The following COL21A1 variants were observed in gnomAD, a reference collection of about 807,000 sequenced individuals.
The protein encoded by COL21A1 is collagen alpha-1(XXI) chain.
A neutral mutation model predicts 137.9 loss-of-function variants in COL21A1; 149 were observed. That is an observed-to-expected ratio of 1.08 (90% CI 0.95 to 1.24). COL21A1 has a LOEUF of 1.24. COL21A1 is among the 50% of genes most tolerant of loss of function. COL21A1 has a pLI of 0.00. For synonymous variants in COL21A1, 456 were observed against 391.5 expected, an observed-to-expected ratio of 1.16 and a Z score of -1.95; for missense variants, 1,167 against 1,158.4, an observed-to-expected ratio of 1.01 and a Z score of -0.11.
Position 56,372,456 on chromosome 6 carries a change from A to T in COL21A1, c.-39+21515T>A, listed in dbSNP as rs1286587953. ...GTCCATGTGTCAACGCATCAAGAGT[A>T]TTCAGAAAGTATTGGCAGGGAGAAC... On this transcript the variant is annotated intron_variant, in intron 1 of 28. Transcript: ENST00000370819. Among the ~76,000 whole-genome samples, 8 of 152,322 alleles carry T rather than the reference A, an allele frequency of 5.3e-5. No individual in the cohort carries two copies. In the East Asian group the frequency reaches 1.5e-3, roughly 29 times the overall value.
At chr6:56,192,079 T>G (rs564492716) in intron 1 of COL21A1, among the ~76,000 whole-genome samples, 1 of 152,244 alleles carries the variant, frequency 6.6e-6, no homozygotes, top group Admixed American at 6.5e-5. Context: ...TTGACAAACC[T>G]GACACAAACA....
intron 7 of COL21A1, chr6:56,166,635 G>A (rs1036526579): frequency 4.1e-6 from 2 of 492,006 alleles, no homozygotes; most frequent in Non-Finnish European, 7.4e-6. Flanking sequence ...TGGGCGACAA[G>A]AGTGAGACTC....
chr6:56,108,619 G>T (rs143732665), intron 16 of COL21A1, among the ~76,000 whole-genome samples: 3 of 151,756 alleles, frequency 2.0e-5, no homozygotes, highest in Non-Finnish European at 4.4e-5. Flanking sequence ...GAAGGTGAAA[G>T]AAAAAATAGA....
At chr6:56,255,465 GA>G (rs999711215) in intron 1 of COL21A1, among the ~76,000 whole-genome samples, 3 of 151,864 alleles carry the variant, frequency 2.0e-5, no homozygotes, top group African/African-American at 7.3e-5. Flanking sequence ...TTTTTTATCA[GA>G]TGCTATCTCT....
intron 16 of COL21A1, among the ~76,000 whole-genome samples, chr6:56,116,634 G>A (rs933427476): frequency 2.6e-5 from 4 of 151,826 alleles, no homozygotes; most frequent in African/African-American, 9.7e-5. Flanking sequence ...GTAATAATAA[G>A]CACACAGAAA....
intron 1 of COL21A1, among the ~76,000 whole-genome samples, chr6:56,197,596 A>C (rs1779107895): frequency 6.6e-6 from 1 of 152,160 alleles, no homozygotes; most frequent in Non-Finnish European, 1.5e-5. Flanking sequence ...CAACAGGTAT[A>C]TAAGATGTTC....
At chr6:56,278,340 G>C (rs1282344244) in intron 1 of COL21A1, among the ~76,000 whole-genome samples, 3 of 152,172 alleles carry the variant, frequency 2.0e-5, no homozygotes, top group Non-Finnish European at 4.4e-5. Flanking sequence ...ACACATCCCT[G>C]TGTACAAGCC....
intron 18 of COL21A1, 25 bp downstream of exon 18, chr6:56,077,504 A>C (rs781297633): frequency 2.3e-5 from 35 of 1,537,860 alleles, no homozygotes; most frequent in Non-Finnish European, 3.0e-5. Context: ...ATCCAGGCCC[A>C]AAGCTAACTC....
At chr6:56,257,146 T>A (rs1036987958) in intron 1 of COL21A1, among the ~76,000 whole-genome samples, 1 of 152,012 alleles carries the variant, frequency 6.6e-6, no homozygotes, top group Non-Finnish European at 1.5e-5. Flanking sequence ...GAGATAAAAA[T>A]CAAAAAGCAT....
At chr6:56,092,714 T>C in intron 17 of COL21A1, among the ~76,000 whole-genome samples, 1 of 152,176 alleles carries the variant, frequency 6.6e-6, no homozygotes, top group East Asian at 1.9e-4. Context: ...TACATTTTTA[T>C]ATAGGTTCAT....
intron 1 of COL21A1, among the ~76,000 whole-genome samples, chr6:56,329,971 A>T (rs1324951623): frequency 2.6e-5 from 4 of 152,138 alleles, no homozygotes; most frequent in Non-Finnish European, 4.4e-5. Flanking sequence ...ATGAAGTATC[A>T]TACCACAAAC....
chr6:56,180,353 G>A lies in COL21A1; in HGVS notation c.89-224C>T, dbSNP rs187690054. Among the ~76,000 whole-genome samples the A allele has an allele frequency of 2.6e-5, 4 of 152,258 alleles. No individual in the cohort carries two copies. The East Asian group carries it at 7.7e-4, about 29-fold the overall frequency. ...AATTTTCTACCAACTCCAGGACTTA[G>A]CTAACCAATAAAATTTCATCTTTGA... On this transcript the variant is annotated intron_variant, in intron 2 of 29. Coordinates refer to ENST00000244728, the MANE Select transcript of COL21A1 (RefSeq NM_030820.4).
At chr6:56,227,820 G>A (rs566965261) in intron 1 of COL21A1, among the ~76,000 whole-genome samples, 1 of 152,106 alleles carries the variant, frequency 6.6e-6, no homozygotes, top group East Asian at 1.9e-4. Flanking sequence ...CTTAATGGAG[G>A]TATGTGCTAG....
At chr6:56,381,375 A>T (rs892807624) in intron 1 of COL21A1, among the ~76,000 whole-genome samples, 8 of 152,238 alleles carry the variant, frequency 5.3e-5, no homozygotes, top group African/African-American at 1.9e-4. Flanking sequence ...ACCTCTGCCC[A>T]AGCAGAAACA....
chr6:56,249,040 T>C (rs1017013873), upstream of COL21A1, among the ~76,000 whole-genome samples: 4 of 152,056 alleles, frequency 2.6e-5, no homozygotes, highest in African/African-American at 9.7e-5. Context: ...AACTCAAGAG[T>C]AAAAAGACAG....
rs73457817 is a variant in COL21A1 at position 56,379,211 on chromosome 6, A to T, written c.-39+14760T>A. The stretch of plus-strand genomic sequence containing the variant: ...AAGTATCAAGACCATCCAGGAAAAC[A>T]TGACCTCACCAAATGCAATAAGGCA... On this transcript the variant is annotated intron_variant, in intron 1 of 28. Transcript: ENST00000370819. Among the ~76,000 whole-genome samples, 1,102 of 152,342 alleles carry T rather than the reference A, an allele frequency of 7.2e-3. 3 individuals carry two copies. The highest frequency in any genetic ancestry group is 0.025 in the African/African-American group (1,057 of 41,570).
chr6:56,122,216 A>G (rs1333914602), intron 16 of COL21A1, among the ~76,000 whole-genome samples: 2 of 152,204 alleles, frequency 1.3e-5, no homozygotes, highest in Non-Finnish European at 2.9e-5. Context: ...ACAAATCTGC[A>G]GAGACAGAAA....
chr6:56,217,161 G>T (rs562308914), intron 1 of COL21A1, among the ~76,000 whole-genome samples: 1 of 152,140 alleles, frequency 6.6e-6, no homozygotes, highest in South Asian at 2.1e-4. Flanking sequence ...TGTAATAAAA[G>T]TATATTGCTA....
chr6:56,259,524 C>T (rs1455282405), intron 1 of COL21A1, among the ~76,000 whole-genome samples: 2 of 152,218 alleles, frequency 1.3e-5, no homozygotes, highest in Non-Finnish European at 2.9e-5. Flanking sequence ...ACATACACAG[C>T]TGACATTTTT....
Sources: gnomAD v4.1 joint callset for allele counts (sites outside exome capture counted in the v4.1 genomes callset) on GRCh38, gnomAD v4.1.1 for gene constraint, MANE v1.5 for transcripts, NCBI Gene and HGNC (gene_info 2026-07-23, HGNC 2026-07-21) for gene names.